The following PTPRD variants were observed in gnomAD, a reference collection of about 807,000 sequenced individuals.
PTPRD encodes the protein receptor-type tyrosine-protein phosphatase delta.
PTPRD carries 34 observed loss-of-function variants against 214.5 expected under a neutral mutation model. That is an observed-to-expected ratio of 0.16 (90% CI 0.12 to 0.21). PTPRD has a LOEUF of 0.21. PTPRD is among the 10% of genes least tolerant of loss of function. PTPRD has a pLI of 1.00. For missense variants in PTPRD, 2,545 were observed against 2,398.7 expected (o/e 1.06, Z -1.27); for synonymous variants, 1,128 against 845.7 (o/e 1.33, Z -5.79).
chr9:9,765,692 G>A (rs536296170), intron 6 of PTPRD, among the ~76,000 whole-genome samples: 1 of 152,076 alleles, frequency 6.6e-6, no homozygotes, highest in South Asian at 2.1e-4. Flanking sequence ...ACGGAGTCTC[G>A]CTCTGTCGCC....
chr9:10,536,135 T>C (rs534550517), intron 2 of PTPRD, among the ~76,000 whole-genome samples: 1 of 152,236 alleles, frequency 6.6e-6, no homozygotes, highest in East Asian at 1.9e-4. Flanking sequence ...AGCCAAATTC[T>C]TCAGAGGCAG....
Position 9,607,699 on chromosome 9 carries a change from T to G in PTPRD, c.-286-32918A>C, listed in dbSNP as rs16929911. 5.6e-3 allele frequency among the ~76,000 whole-genome samples: 842 copies of G among 151,604 alleles called. 12 individuals carry two copies. Among genetic ancestry groups the G allele is most frequent in the African/African-American group, 0.02 (815 of 41,292 alleles). On this transcript the variant is annotated intron_variant, in intron 7 of 45. Coordinates refer to ENST00000381196, the MANE Select transcript of PTPRD (RefSeq NM_002839.4). ...TGTGCTTTCAAGAGTCAGTTACCACTATTGTTATTGCTGATGTTATTATAA... is the reference window on the plus strand; with the variant it reads ...TGTGCTTTCAAGAGTCAGTTACCACGATTGTTATTGCTGATGTTATTATAA...
intron 9 of PTPRD, among the ~76,000 whole-genome samples, chr9:9,210,823 T>C (rs1315216373): frequency 6.6e-6 from 1 of 152,134 alleles, no homozygotes; most frequent in Non-Finnish European, 1.5e-5. Context: ...CAAATGTATC[T>C]TTAGTTTCAA....
intron 14 of PTPRD, among the ~76,000 whole-genome samples, chr9:8,580,016 G>A (rs1473009689): frequency 6.6e-6 from 1 of 152,074 alleles, no homozygotes; most frequent in Non-Finnish European, 1.5e-5. Flanking sequence ...AGGGTTTGCA[G>A]GGATTACAAG....
chr9:8,900,341 G>C (rs1191347780), intron 11 of PTPRD, among the ~76,000 whole-genome samples: 1 of 152,122 alleles, frequency 6.6e-6, no homozygotes, highest in Non-Finnish European at 1.5e-5. Flanking sequence ...TAAAGAACAT[G>C]ATGGCAAAAT....
intron 44 of PTPRD, among the ~76,000 whole-genome samples, chr9:8,323,857 G>A (rs1830849208): frequency 6.6e-6 from 1 of 152,174 alleles, no homozygotes; most frequent in African/African-American, 2.4e-5. Flanking sequence ...AATTTTGAAA[G>A]AAGTTCTACT....
At chr9:9,678,661 A>G (rs962907536) in intron 7 of PTPRD, among the ~76,000 whole-genome samples, 3 of 151,924 alleles carry the variant, frequency 2.0e-5, no homozygotes, top group Middle Eastern at 3.2e-3. Flanking sequence ...GCCATGCTCC[A>G]AAAGTAAAAA....
intron 9 of PTPRD, among the ~76,000 whole-genome samples, chr9:9,285,409 T>G (rs548905372): frequency 7.2e-5 from 11 of 151,798 alleles, no homozygotes; most frequent in African/African-American, 2.7e-4. Context: ...TCTAAAATTT[T>G]TTTTCTCAAA....
chr9:10,380,814 T>C (rs1034252201), intron 2 of PTPRD, among the ~76,000 whole-genome samples: 2 of 152,032 alleles, frequency 1.3e-5, no homozygotes, highest in Non-Finnish European at 1.5e-5. Flanking sequence ...GTTTGATACC[T>C]AGATATTCTG....
chr9:9,954,873 A>T (rs2093775928), intron 4 of PTPRD, among the ~76,000 whole-genome samples: 1 of 152,192 alleles, frequency 6.6e-6, no homozygotes, highest in South Asian at 2.1e-4. Flanking sequence ...CAAAGGAATG[A>T]GATCAATTTG....
intron 10 of PTPRD, among the ~76,000 whole-genome samples, chr9:9,157,145 A>C (rs2099881914): frequency 6.6e-6 from 1 of 152,224 alleles, no homozygotes; most frequent in East Asian, 1.9e-4. Context: ...CAAAGACAGA[A>C]ATTTATAGCA....
Position 8,551,064 on chromosome 9 carries a change from T to C in PTPRD, c.353-22285A>G, listed in dbSNP as rs188692019. Among the ~76,000 whole-genome samples, 451 of 152,316 alleles carry C rather than the reference T, an allele frequency of 3.0e-3. 3 individuals carry two copies. The highest frequency in any genetic ancestry group is 0.01 in the African/African-American group (429 of 41,572). Reference sequence around the variant, plus strand: ...AATGGCAAATCCCTATGAAAACATATGATAAGACTATCACTTGGGGGTGGT... The same window carrying C: ...AATGGCAAATCCCTATGAAAACATACGATAAGACTATCACTTGGGGGTGGT... On this transcript the variant is annotated intron_variant, in intron 14 of 45. Coordinates refer to ENST00000381196, the MANE Select transcript of PTPRD (RefSeq NM_002839.4).
chr9:8,728,365 T>C (rs1431247115), intron 12 of PTPRD, among the ~76,000 whole-genome samples: 2 of 152,204 alleles, frequency 1.3e-5, no homozygotes, highest in Non-Finnish European at 2.9e-5. Context: ...TTATTTTACT[T>C]TCTAAGAATT....
intron 9 of PTPRD, among the ~76,000 whole-genome samples, chr9:9,229,673 T>A (rs73388868): frequency 6.6e-6 from 1 of 152,024 alleles, no homozygotes; most frequent in Non-Finnish European, 1.5e-5. Flanking sequence ...AAGACTATCT[T>A]AGGAGAGACA....
At chr9:10,422,718 T>C (rs1397162999) in intron 2 of PTPRD, among the ~76,000 whole-genome samples, 2 of 152,128 alleles carry the variant, frequency 1.3e-5, no homozygotes, top group East Asian at 1.9e-4. Flanking sequence ...TCGTCATCAC[T>C]GGCCATCAGA....
At chr9:9,148,810 A>C (rs2099872991) in intron 10 of PTPRD, among the ~76,000 whole-genome samples, 1 of 152,196 alleles carries the variant, frequency 6.6e-6, no homozygotes, top group African/African-American at 2.4e-5. Flanking sequence ...GATATTAATG[A>C]ATATTTAATT....
At chr9:8,328,306 G>C (rs1210227267) in intron 44 of PTPRD, among the ~76,000 whole-genome samples, 1 of 152,088 alleles carries the variant, frequency 6.6e-6, no homozygotes, top group African/African-American at 2.4e-5. Context: ...TGAAATTCTG[G>C]GTTGAAAAGT....
intron 14 of PTPRD, among the ~76,000 whole-genome samples, chr9:8,621,890 T>C (rs918516222): frequency 2.0e-5 from 3 of 151,952 alleles, no homozygotes; most frequent in Non-Finnish European, 4.4e-5. Context: ...TATATAACAG[T>C]GTTCCTGTTT....
chr9:9,233,885 G>A (rs1233646706), intron 9 of PTPRD, among the ~76,000 whole-genome samples: 1 of 152,200 alleles, frequency 6.6e-6, no homozygotes, highest in East Asian at 1.9e-4. Context: ...TCTCCTGGCT[G>A]CTTTTATGGG....
Sources: gnomAD v4.1 joint callset for allele counts (sites outside exome capture counted in the v4.1 genomes callset) on GRCh38, gnomAD v4.1.1 for gene constraint, MANE v1.5 for transcripts, NCBI Gene and HGNC (gene_info 2026-07-23, HGNC 2026-07-21) for gene names.